Variants in AGMO observed in about 807,000 individuals in gnomAD.
AGMO encodes alkylglycerol monooxygenase.
A neutral mutation model predicts 60.2 loss-of-function variants in AGMO; 75 were observed. That is an observed-to-expected ratio of 1.25 (90% CI 1.03 to 1.51). AGMO has a LOEUF of 1.51. AGMO is among the 40% of genes most tolerant of loss of function. The probability of loss-of-function intolerance (pLI) is 0.00; values close to 1 mark genes in which losing one functional copy is unlikely to be tolerated. For synonymous variants in AGMO, 261 were observed against 177.1 expected, an observed-to-expected ratio of 1.47 and a Z score of -3.76; for missense variants, 763 against 525.5, an observed-to-expected ratio of 1.45 and a Z score of -4.42.
At chr7:15,225,584 A>G (rs1782055925) in intron 12 of AGMO, among the ~76,000 whole-genome samples, 1 of 151,916 alleles carries the variant, frequency 6.6e-6, no homozygotes. Flanking sequence ...TCCTTTTTTA[A>G]AACTTACATT....
chr7:15,304,554 G>A (rs887846827), intron 12 of AGMO, among the ~76,000 whole-genome samples: 1 of 152,102 alleles, frequency 6.6e-6, no homozygotes, highest in Non-Finnish European at 1.5e-5. Flanking sequence ...AAAGTGGAAA[G>A]ATTTGGGTTT....
At chr7:15,526,120 G>A (rs1311340908) in intron 3 of AGMO, among the ~76,000 whole-genome samples, 1 of 152,188 alleles carries the variant, frequency 6.6e-6, no homozygotes, top group East Asian at 1.9e-4. Flanking sequence ...TGCAAGCCAG[G>A]CACTGCCCGG....
At chr7:15,547,975 A>G (rs565584008) in intron 2 of AGMO, among the ~76,000 whole-genome samples, 1,545 of 147,120 alleles carry the variant, frequency 0.011, 16 homozygotes, top group African/African-American at 0.021. Flanking sequence ...ATCTGAGAAC[A>G]GGCAGACTGC....
intron 12 of AGMO, among the ~76,000 whole-genome samples, chr7:15,222,109 A>G (rs564546985): frequency 1.8e-4 from 27 of 152,222 alleles, no homozygotes; most frequent in African/African-American, 6.5e-4. Context: ...AGCAAGATGT[A>G]AGCTTCAAAT....
chr7:15,364,515 C>T (rs1782891543), intron 12 of AGMO, among the ~76,000 whole-genome samples: 1 of 151,904 alleles, frequency 6.6e-6, no homozygotes, highest in Admixed American at 6.6e-5. Flanking sequence ...TCAAATAGTC[C>T]TCCATTCATG....
chr7:15,333,538 G>T (rs1428326980), intron 12 of AGMO, among the ~76,000 whole-genome samples: 1 of 149,232 alleles, frequency 6.7e-6, no homozygotes, highest in Non-Finnish European at 1.5e-5. Flanking sequence ...ACATGGCCCT[G>T]ACAAGTGCTA....
intron 12 of AGMO, among the ~76,000 whole-genome samples, chr7:15,313,258 A>T (rs1461114567): frequency 6.6e-6 from 1 of 152,198 alleles, no homozygotes; most frequent in Non-Finnish European, 1.5e-5. Flanking sequence ...CCCATCATTG[A>T]CTTTCTATTA....
At chr7:15,533,007 C>T (rs1784406964) in intron 3 of AGMO, among the ~76,000 whole-genome samples, 1 of 152,030 alleles carries the variant, frequency 6.6e-6, no homozygotes, top group Non-Finnish European at 1.5e-5. Context: ...CAAAACAAAA[C>T]AAACAAAAAA....
chr7:15,554,170 C>T (rs1310329061), intron 2 of AGMO, among the ~76,000 whole-genome samples: 5 of 152,006 alleles, frequency 3.3e-5, no homozygotes, highest in Admixed American at 2.0e-4. Flanking sequence ...GACCTTGAAT[C>T]ATAAACCAAA....
chr7:15,177,744 C>T, the AGMO span, among the ~76,000 whole-genome samples: 1 of 152,090 alleles, frequency 6.6e-6, no homozygotes, highest in Non-Finnish European at 1.5e-5. Flanking sequence ...CCCTGCTTAT[C>T]TTCTAAACCT....
At chr7:15,379,521 T>C (rs190383565) in intron 10 of AGMO, among the ~76,000 whole-genome samples, 1 of 152,206 alleles carries the variant, frequency 6.6e-6, no homozygotes, top group Admixed American at 6.6e-5. Flanking sequence ...ACGAATTTCC[T>C]GGATACATAC....
intron 10 of AGMO, among the ~76,000 whole-genome samples, chr7:15,380,714 G>A (rs563009952): frequency 6.6e-6 from 1 of 152,052 alleles, no homozygotes; most frequent in South Asian, 2.1e-4. Context: ...AAAAGAGCCC[G>A]AACAGCCCAG....
At chr7:15,469,370 A>G (rs1782378279) in intron 3 of AGMO, among the ~76,000 whole-genome samples, 1 of 152,168 alleles carries the variant, frequency 6.6e-6, no homozygotes, top group South Asian at 2.1e-4. Context: ...GTTTATATAA[A>G]GTTAAAGCAT....
At chr7:15,507,331 A>T (rs1490618701) in intron 3 of AGMO, among the ~76,000 whole-genome samples, 1 of 152,116 alleles carries the variant, frequency 6.6e-6, no homozygotes, top group African/African-American at 2.4e-5. Context: ...GCACAACAGT[A>T]TGACCCCCCT....
intron 3 of AGMO, among the ~76,000 whole-genome samples, chr7:15,541,924 C>T (rs1784641063): frequency 3.3e-5 from 5 of 152,044 alleles, no homozygotes; most frequent in Admixed American, 2.6e-4. Flanking sequence ...GAAAGTAATA[C>T]ATTGAATAGA....
rs962406508 is a variant in AGMO at position 15,288,859 on chromosome 7, A to T, written c.1263+76655T>A. The stretch of plus-strand genomic sequence containing the variant: ...TTTAAAAAAATAAAAAATAAAAAAA[A>T]AAAAAATATATATACACTCTTATCT... On this transcript the variant is annotated intron_variant, in intron 12 of 12. Coordinates refer to ENST00000342526, the MANE Select transcript of AGMO (RefSeq NM_001004320.2). Among the ~76,000 whole-genome samples, 110 of 147,254 alleles carry T rather than the reference A, an allele frequency of 7.5e-4. 1 individual carries two copies. Among genetic ancestry groups the T allele is most frequent in the Non-Finnish European group, 1.9e-4 (13 of 67,580 alleles).
At chr7:15,349,173 G>T (rs1309033023) in intron 12 of AGMO, among the ~76,000 whole-genome samples, 1 of 151,982 alleles carries the variant, frequency 6.6e-6, no homozygotes, top group East Asian at 1.9e-4. Flanking sequence ...TCAGTTCTTG[G>T]CACAAGGACT....
rs191805522 is a variant in AGMO at position 15,539,088 on chromosome 7, A to C, written c.409+5684T>G. On this transcript the variant is annotated intron_variant, in intron 3 of 12. Coordinates refer to ENST00000342526, the MANE Select transcript of AGMO (RefSeq NM_001004320.2). Reference sequence around the variant, plus strand: ...CCTCAGAATGAAATATAATAGTAAAAGGTGCAACTGGGTAAATTCTTTATT... The same window carrying C: ...CCTCAGAATGAAATATAATAGTAAACGGTGCAACTGGGTAAATTCTTTATT... 3.3e-5 allele frequency among the ~76,000 whole-genome samples: 5 copies of C among 152,226 alleles called. No individual in the cohort carries two copies. In the East Asian group the frequency reaches 9.6e-4, roughly 29 times the overall value.
intron 4 of AGMO, among the ~76,000 whole-genome samples, chr7:15,427,426 A>C (rs1255342592): frequency 6.6e-6 from 1 of 152,178 alleles, no homozygotes. Context: ...CCACAGGTAC[A>C]TTAGTATTAA....
Sources: gnomAD v4.1 joint callset for allele counts (sites outside exome capture counted in the v4.1 genomes callset) on GRCh38, gnomAD v4.1.1 for gene constraint, MANE v1.5 for transcripts, NCBI Gene and HGNC (gene_info 2026-07-23, HGNC 2026-07-21) for gene names.